PDE8B: variants seen among roughly 807,000 people sequenced by gnomAD.
The protein encoded by PDE8B is phosphodiesterase 8B, also known as high affinity cAMP-specific and IBMX-insensitive 3',5'-cyclic phosphodiesterase 8B.
Under a neutral mutation model 101.3 loss-of-function variants are expected in PDE8B, and 26 were observed. That is an observed-to-expected ratio of 0.26 (90% CI 0.19 to 0.36). The LOEUF is 0.36. PDE8B is among the 10% of genes least tolerant of loss of function. PDE8B has a pLI of 1.00. For synonymous variants in PDE8B, 424 were observed against 429.3 expected, an observed-to-expected ratio of 0.99 and a Z score of 0.15; for missense variants, 810 against 1,163.1, an observed-to-expected ratio of 0.70 and a Z score of 4.42.
chr5:77,200,097 C>G, the PDE8B span, among the ~76,000 whole-genome samples: 3 of 112,174 alleles, frequency 2.7e-5, no homozygotes, highest in Non-Finnish European at 5.7e-5. Context: ...CACATTAGCC[C>G]TATTTGAAGT....
chr5:77,208,411 T>C (rs1223287867), upstream of PDE8B, among the ~76,000 whole-genome samples: 1 of 152,262 alleles, frequency 6.6e-6, no homozygotes, highest in East Asian at 1.9e-4. Context: ...AGGTAAGCTT[T>C]AGGAATCATT....
At chr5:77,213,036 A>G (rs1217904066) in intron 1 of PDE8B, among the ~76,000 whole-genome samples, 1 of 152,214 alleles carries the variant, frequency 6.6e-6, no homozygotes, top group Non-Finnish European at 1.5e-5. Context: ...TCAGTAGAAG[A>G]AAGAATACTG....
chr5:77,115,973 T>G, the PDE8B span, among the ~76,000 whole-genome samples: 2 of 152,084 alleles, frequency 1.3e-5, no homozygotes, highest in Non-Finnish European at 2.9e-5. Flanking sequence ...ATGCTTTTAT[T>G]TTACTGTAAT....
chr5:77,410,806 G>T (rs2151087218), intron 14 of PDE8B: 1 of 151,734 alleles, frequency 6.6e-6, no homozygotes, highest in Non-Finnish European at 1.5e-5. Context: ...ACATCGTCTG[G>T]GAATGACAAA....
chr5:77,421,034 A>G (rs1010681790), intron 19 of PDE8B, among the ~76,000 whole-genome samples: 1 of 152,208 alleles, frequency 6.6e-6, no homozygotes, highest in Non-Finnish European at 1.5e-5. Context: ...TTAAAAGTGG[A>G]GAATAACAAT....
At chr5:77,397,073 C>T (rs984699104) in intron 10 of PDE8B, among the ~76,000 whole-genome samples, 6 of 99,232 alleles carry the variant, frequency 6.0e-5, no homozygotes, top group Admixed American at 2.7e-4. Flanking sequence ...CACTGTGTTA[C>T]CCAGGCTGGA....
intron 1 of PDE8B, among the ~76,000 whole-genome samples, chr5:77,215,987 G>A (rs1380974876): frequency 6.6e-6 from 1 of 152,190 alleles, no homozygotes; most frequent in African/African-American, 2.4e-5. Context: ...AGGAGGCTGT[G>A]GTGACCAATC....
the PDE8B span, among the ~76,000 whole-genome samples, chr5:77,120,657 C>T: frequency 2.4e-4 from 36 of 152,322 alleles, no homozygotes; most frequent in African/African-American, 8.2e-4. Context: ...ATTCTTTCAA[C>T]TTCTCTGTAT....
chr5:77,168,720 C>T, the PDE8B span, among the ~76,000 whole-genome samples: 17 of 152,214 alleles, frequency 1.1e-4, no homozygotes, highest in African/African-American at 3.9e-4. Context: ...GACCAGTGGC[C>T]TCAGCTCCAT....
chr5:77,306,761 C>T (rs1195926416), intron 1 of PDE8B, among the ~76,000 whole-genome samples: 2 of 152,188 alleles, frequency 1.3e-5, no homozygotes, highest in African/African-American at 4.8e-5. Flanking sequence ...AATTAACCAA[C>T]CTGAACTACC....
chr5:77,134,081 G>A, the PDE8B span, among the ~76,000 whole-genome samples: 2 of 152,134 alleles, frequency 1.3e-5, no homozygotes, highest in East Asian at 1.9e-4. Context: ...TCACTTCATC[G>A]CAAAGGAGGC....
intron 12 of PDE8B, among the ~76,000 whole-genome samples, chr5:77,405,152 A>G (rs1793164668): frequency 6.6e-6 from 1 of 152,204 alleles, no homozygotes; most frequent in African/African-American, 2.4e-5. Flanking sequence ...TCCCAACACA[A>G]ACCTAGTTTT....
At chr5:77,199,140 G>A in the PDE8B span, among the ~76,000 whole-genome samples, 2 of 152,128 alleles carry the variant, frequency 1.3e-5, no homozygotes, top group African/African-American at 4.8e-5. Flanking sequence ...TCTTAAAAGT[G>A]AGAATTACTT....
At chr5:77,147,035 T>A in the PDE8B span, 1 of 457,124 alleles carries the variant, frequency 2.2e-6, no homozygotes, top group South Asian at 1.7e-5. Context: ...AGGAAAAATA[T>A]GAAAAGGATA....
At chr5:77,355,547 T>C (rs1230254223) in intron 10 of PDE8B, among the ~76,000 whole-genome samples, 1 of 152,140 alleles carries the variant, frequency 6.6e-6, no homozygotes, top group African/African-American at 2.4e-5. Flanking sequence ...GCCAGGCTGC[T>C]CTCTCCTGGT....
chr5:77,285,666 A>AT (rs35554951), intron 1 of PDE8B, among the ~76,000 whole-genome samples: 41,626 of 151,712 alleles, frequency 0.27, 6,259 homozygotes, highest in East Asian at 0.46. Context: ...TTTCCCATCT[A>AT]TTTTTTTCCC....
At chr5:77,180,478 G>A in the PDE8B span, 8 of 985,264 alleles carry the variant, frequency 8.1e-6, no homozygotes, top group Admixed American at 6.1e-5. Flanking sequence ...CCCACCGAGC[G>A]CGTGCCAGGT....
intron 10 of PDE8B, among the ~76,000 whole-genome samples, chr5:77,376,160 C>G (rs1230801751): frequency 6.6e-6 from 1 of 152,180 alleles, no homozygotes; most frequent in Non-Finnish European, 1.5e-5. Context: ...CCTAGGATTT[C>G]TTCACAGGTG....
At chr5:77,341,120 A>G (rs1779139986) in intron 6 of PDE8B, among the ~76,000 whole-genome samples, 1 of 152,216 alleles carries the variant, frequency 6.6e-6, no homozygotes, top group South Asian at 2.1e-4. Context: ...TGAATAATTA[A>G]TACAAGCAAT....
Sources: allele counts gnomAD v4.1 joint callset (sites outside exome capture counted in the v4.1 genomes callset), GRCh38; gene constraint gnomAD v4.1.1; transcripts MANE v1.5; gene names NCBI Gene and HGNC (gene_info 2026-07-23, HGNC 2026-07-21).